Variants in ADPRM observed in about 807,000 individuals in gnomAD.
The protein encoded by ADPRM is ADP-ribose/CDP-alcohol diphosphatase, manganese dependent, also known as manganese-dependent ADP-ribose/CDP-alcohol diphosphatase.
Under a neutral mutation model 27.2 loss-of-function variants are expected in ADPRM, and 17 were observed. That is an observed-to-expected ratio of 0.63 (90% CI 0.43 to 0.94). The LOEUF is 0.94. Among genes scored for constraint, ADPRM ranks in the 40% least tolerant of loss-of-function variants. ADPRM has a pLI of 0.00. For missense variants in ADPRM, 337 were observed against 412.8 expected, an observed-to-expected ratio of 0.82 and a Z score of 1.59; for synonymous variants, 135 against 145.3, an observed-to-expected ratio of 0.93 and a Z score of 0.51.
At position 10,705,161 on chromosome 17, in the gene ADPRM, T is replaced by C. The variant is rs1263431303; in HGVS notation, c.235T>C (p.Tyr79His). The C allele has an allele frequency of 4.3e-6, 7 of 1,614,150 alleles. No homozygotes were observed. The highest frequency in any genetic ancestry group is 3.3e-5 in the Admixed American group (2 of 60,028). ...TCAGCTTGGAGATATCATCGATGGA[T>C]ATAATGCACAGTATAATGCATCCAA... is the stretch of plus-strand genomic sequence containing the variant. ...VLQLGDIIDG[Y>H]NAQYNASKKS... The change falls in exon 2 of 4, where the codon TAT (tyrosine) becomes CAT (histidine). Residue 79 changes from tyrosine (Y) to histidine (H), a missense_variant. Coordinates refer to ENST00000379774, the MANE Select transcript of ADPRM (RefSeq NM_020233.5). The surrounding 1 kb of genome is among the most constrained non-coding windows in gnomAD (Gnocchi z 5.4).
intron 1 of ADPRM, among the ~76,000 whole-genome samples, chr17:10,699,448 T>G (rs2074760720): frequency 6.6e-6 from 1 of 151,910 alleles, no homozygotes. Flanking sequence ...TTATTACTGC[T>G]GTGAAACCAC....
At chr17:10,706,665 A>G (rs995616305) in intron 3 of ADPRM, 111 bp downstream of exon 3, 3 of 681,330 alleles carry the variant, frequency 4.4e-6, no homozygotes, top group Admixed American at 3.8e-5. Context: ...TATAAAATGG[A>G]CACTTAGTTT....
intron 1 of ADPRM, among the ~76,000 whole-genome samples, chr17:10,700,528 G>A (rs1180745555): frequency 6.6e-6 from 1 of 150,722 alleles, no homozygotes; most frequent in Non-Finnish European, 1.5e-5. Context: ...GAGGCAGGTG[G>A]ATCACTTGAG....
At chr17:10,703,042 A>G (rs2074788520) in intron 1 of ADPRM, among the ~76,000 whole-genome samples, 1 of 152,194 alleles carries the variant, frequency 6.6e-6, no homozygotes, top group South Asian at 2.1e-4. Flanking sequence ...TTAAGAGTTA[A>G]TATAACTCTT....
Position 10,702,470 on chromosome 17 carries a change from T to C in ADPRM, c.-17-2440T>C, listed in dbSNP as rs1414292524. ...ACATGTGTAACTAAATGACCAGTGT[T>C]CTAGCAGGGACAGGTGAATTTAGGT... On this transcript the variant is annotated intron_variant, in intron 1 of 3. Transcript: ENST00000379774. This position sits in a 1 kb window ranked among gnomAD's most constrained non-coding sequence, Gnocchi z 4.2. Among the ~76,000 whole-genome samples, 1 of 152,246 alleles carries C rather than the reference T, an allele frequency of 6.6e-6. No homozygotes were observed. The highest frequency in any genetic ancestry group is 1.9e-4 in the East Asian group (1 of 5,202).
intron 3 of ADPRM, 96 bp from the exon 4 acceptor site, chr17:10,710,734 ATTTT>A (rs3215180): frequency 9.1e-7 from 1 of 1,096,592 alleles, no homozygotes; most frequent in Non-Finnish European, 1.3e-6. Flanking sequence ...TGAGATAGCA[ATTTT>A]TTTTTCTTTT....
intron 3 of ADPRM, among the ~76,000 whole-genome samples, chr17:10,710,295 T>C (rs402176): frequency 0.5 from 75,728 of 151,996 alleles, 19,658 homozygotes; most frequent in African/African-American, 0.65. Flanking sequence ...AGAGACAGGG[T>C]TTCACCATGT....
intron 3 of ADPRM, among the ~76,000 whole-genome samples, chr17:10,710,629 CTG>C (rs2074845268): frequency 6.6e-6 from 1 of 152,206 alleles, no homozygotes; most frequent in Non-Finnish European, 1.5e-5. Context: ...CTCATGTGAA[CTG>C]TCTTACCCTT....
At position 10,710,837 on chromosome 17, in the gene ADPRM, A is replaced by C; in HGVS notation, c.722A>C (p.His241Pro). 6.2e-7 allele frequency: 1 copy of C among 1,613,248 alleles called. No homozygotes were observed. The highest frequency in any genetic ancestry group is 8.5e-7 in the Non-Finnish European group (1 of 1,179,252). ...TCTTCTTTTCTTTAACTAACAGGCC[A>C]TCTTCCCATTTACCCGGACGCCTCT... ...TNQEKVVIVS[H>P]LPIYPDASDN... The change falls in exon 4 of 4, where the codon CAT becomes CCT. Residue 241 changes from histidine to proline, a missense_variant. Coordinates refer to ENST00000379774, the MANE Select transcript of ADPRM (RefSeq NM_020233.5).
In ADPRM at chr17:10,702,248, A is replaced by G. The variant is rs1286190424; in HGVS notation, c.-17-2662A>G. Among the ~76,000 whole-genome samples the G allele has an allele frequency of 6.6e-6, 1 of 152,206 alleles. No individual in the cohort carries two copies. The highest frequency in any genetic ancestry group is 6.5e-5 in the Admixed American group (1 of 15,286). On this transcript the variant is annotated intron_variant, in intron 1 of 3. Transcript: ENST00000379774. This position sits in a 1 kb window ranked among gnomAD's most constrained non-coding sequence, Gnocchi z 4.2. ...GATCTCTCTTTTTACCCCAGAACAC[A>G]TCGCTGTTTTGAAGTGTGTGCCCCT...
rs1439167223 is a variant in ADPRM at position 10,702,134 on chromosome 17, T to C, written c.-17-2776T>C. ...AAGTATATTCCAAAATCTGAAAAAG[T>C]CCGAAATCTAAAACACTTCTGGTCC... On this transcript the variant is annotated intron_variant, in intron 1 of 3. Transcript: ENST00000379774. The surrounding 1 kb of genome is among the most constrained non-coding windows in gnomAD (Gnocchi z 4.2). Among the ~76,000 whole-genome samples the C allele has an allele frequency of 6.6e-6, 1 of 152,238 alleles. No individual in the cohort carries two copies. Among genetic ancestry groups the C allele is most frequent in the African/African-American group, 2.4e-5 (1 of 41,460 alleles).
At position 10,711,260 on chromosome 17, in the gene ADPRM, A is replaced by G; in HGVS notation, c.*116A>G. 1.2e-6 allele frequency: 1 copy of G among 810,666 alleles called. No individual in the cohort carries two copies. Among genetic ancestry groups the G allele is most frequent in the East Asian group, 2.7e-5 (1 of 37,364 alleles). The allele number at this position is 810,666 out of a possible 1,614,324, so 50.2% of individuals were successfully genotyped here. ...TCAGCTTGCATAACAAAATGTATTT[A>G]TAGTTTCAGTGTGTGATGGTTGATA... On this transcript the variant is annotated 3_prime_UTR_variant, in exon 4 of 4. Transcript: ENST00000379774.
rs2151462507 is a variant in ADPRM at position 10,702,939 on chromosome 17, CA to C, written c.-17-1969del. 6.6e-6 allele frequency among the ~76,000 whole-genome samples: 1 copy of C among 152,206 alleles called. No individual in the cohort carries two copies. Among genetic ancestry groups the C allele is most frequent in the Non-Finnish European group, 1.5e-5 (1 of 68,018 alleles). On this transcript the variant is annotated intron_variant, in intron 1 of 3. Coordinates refer to ENST00000379774, the MANE Select transcript of ADPRM (RefSeq NM_020233.5). The surrounding 1 kb of genome is among the most constrained non-coding windows in gnomAD (Gnocchi z 4.2). The stretch of plus-strand genomic sequence containing the variant: ...GACTAAATCCCCTCTAGGAGATCCA[CA>C]ATACATATTATCACCATAAAGGCTC...
In ADPRM at chr17:10,701,400, G is replaced by A. The variant is rs1220785728; in HGVS notation, c.-17-3510G>A. On this transcript the variant is annotated intron_variant, in intron 1 of 3. Coordinates refer to ENST00000379774, the MANE Select transcript of ADPRM (RefSeq NM_020233.5). The stretch of plus-strand genomic sequence containing the variant: ...GGCTGGAGTGCAGTGGCGCGATCTC[G>A]GCTCACTGCAAGCTCCGCCTCCCAG... 5.3e-5 allele frequency among the ~76,000 whole-genome samples: 8 copies of A among 151,466 alleles called. No homozygotes were observed. In the East Asian group the frequency reaches 5.8e-4, roughly 11 times the overall value.
intron 1 of ADPRM, among the ~76,000 whole-genome samples, chr17:10,701,613 G>A (rs2074779476): frequency 6.6e-6 from 1 of 152,210 alleles, no homozygotes; most frequent in African/African-American, 2.4e-5. Context: ...ACAGGCGTGA[G>A]CCACCACGCC....
In ADPRM at chr17:10,705,397, A is replaced by G; in HGVS notation, c.471A>G (p.Lys157=). 1.2e-6 allele frequency: 2 copies of G among 1,614,040 alleles called. No homozygotes were observed. Among genetic ancestry groups the G allele is most frequent in the Non-Finnish European group, 1.7e-6 (2 of 1,180,014 alleles). The change falls in exon 2 of 4, where the codon AAA becomes AAG. Residue 157 remains lysine (K), a synonymous_variant. Transcript: ENST00000379774. This position sits in a 1 kb window ranked among gnomAD's most constrained non-coding sequence, Gnocchi z 5.4. ...YYAYHFVPFP[K]FRFILLDAYD... ...CTTATCATTTTGTACCATTCCCTAA[A>G]TTCCGGTTCATTTTACTTGATGCAT...
intron 3 of ADPRM, among the ~76,000 whole-genome samples, chr17:10,707,820 A>G (rs1364263072): frequency 6.6e-6 from 1 of 152,232 alleles, no homozygotes; most frequent in Non-Finnish European, 1.5e-5. Context: ...TTTGATGGGT[A>G]CACTGCCATC....
intron 3 of ADPRM, among the ~76,000 whole-genome samples, chr17:10,709,211 C>G (rs966255526): frequency 6.6e-6 from 1 of 151,996 alleles, no homozygotes; most frequent in Non-Finnish European, 1.5e-5. Flanking sequence ...ATGAGAAGTG[C>G]GAGTGGAGAG....
At chr17:10,701,336 C>CT (rs11362387) in intron 1 of ADPRM, among the ~76,000 whole-genome samples, 69 of 146,886 alleles carry the variant, frequency 4.7e-4, no homozygotes, top group East Asian at 5.9e-4. Flanking sequence ...TTTATGTATA[C>CT]TTTTTTTTTT....
Sources: gnomAD v4.1 joint callset for allele counts (sites outside exome capture counted in the v4.1 genomes callset) on GRCh38, gnomAD v4.1.1 for gene constraint, Gnocchi (gnomAD v3.1) non-coding constraint, MANE v1.5 for transcripts, NCBI Gene and HGNC (gene_info 2026-07-23, HGNC 2026-07-21) for gene names.